The following MYO7B variants were observed in gnomAD, a reference collection of about 807,000 sequenced individuals.
MYO7B encodes unconventional myosin-VIIb.
In MYO7B, 212 loss-of-function variants were observed where a neutral mutation model predicts 259.7. The ratio of observed to expected loss-of-function variants is 0.82; its 90% CI spans 0.73 to 0.91. The LOEUF (loss-of-function observed/expected upper bound fraction) is 0.91, where lower values mean the gene tolerates loss of function less well. Ranked by LOEUF, MYO7B falls within the 40% of genes least tolerant of loss-of-function variation. The pLI, the probability that MYO7B is intolerant of heterozygous loss-of-function variation, is 0.00. For synonymous variants in MYO7B, 1,197 were observed against 1,166.4 expected, an observed-to-expected ratio of 1.03 and a Z score of -0.54; for missense variants, 2,732 against 2,813.5, an observed-to-expected ratio of 0.97 and a Z score of 0.66.
intron 24 of MYO7B, among the ~76,000 whole-genome samples, 193 bp downstream of exon 24, chr2:127,610,209 A>G (rs1049942665): frequency 7.9e-5 from 12 of 152,170 alleles, no homozygotes; most frequent in Admixed American, 1.3e-4. Flanking sequence ...GAGCTCATGA[A>G]TCCCCATCCC....
chr2:127,576,175 G>A lies in MYO7B; in HGVS notation c.736-420G>A, dbSNP rs1678857536. ...GATTGCACCACTGCACTCTAGCTTGGGTGACAGAGCAAGACCTTCTCTCGG... is the reference window on the plus strand; with the variant it reads ...GATTGCACCACTGCACTCTAGCTTGAGTGACAGAGCAAGACCTTCTCTCGG... On this transcript the variant is annotated intron_variant, in intron 7 of 47. Transcript: ENST00000409816. This position sits in a 1 kb window ranked among gnomAD's most constrained non-coding sequence, Gnocchi z 4.9. Among the ~76,000 whole-genome samples the A allele has an allele frequency of 6.6e-6, 1 of 151,850 alleles. No homozygotes were observed. The highest frequency in any genetic ancestry group is 6.6e-5 in the Admixed American group (1 of 15,258).
chr2:127,631,349 G>A lies in MYO7B; in HGVS notation c.5081G>A (p.Cys1694Tyr), dbSNP rs766228938. The A allele has an allele frequency of 6.2e-7, 1 of 1,608,488 alleles. No homozygotes were observed. Among genetic ancestry groups the A allele is most frequent in the Admixed American group, 1.7e-5 (1 of 59,842 alleles). The change falls in exon 37 of 48, where the codon TGC (cysteine) becomes TAC (tyrosine). Residue 1694 changes from cysteine (C) to tyrosine (Y), a missense_variant. Cys to Tyr is a radical substitution (Grantham distance 194). Coordinates refer to ENST00000409816, the MANE Select transcript of MYO7B (RefSeq NM_001393586.1). ...AACGTCGACCTCTGGGACATCGCCT[G>A]CCAGATCTTTGTCGATATCCTTCCC... ...HANVDLWDIA[C>Y]QIFVAILRYM... is the part of the protein sequence containing the mutation.
intron 1 of MYO7B, among the ~76,000 whole-genome samples, chr2:127,551,965 G>T (rs1267950162): frequency 1.3e-5 from 2 of 152,166 alleles, no homozygotes; most frequent in African/African-American, 4.8e-5. Flanking sequence ...GTCTGTAAGG[G>T]GGTGGAATAC....
At chr2:127,633,135 C>A in intron 39 of MYO7B, 123 bp from the exon 40 acceptor site, 1 of 745,954 alleles carries the variant, frequency 1.3e-6, no homozygotes, top group Non-Finnish European at 2.2e-6. Flanking sequence ...TGGAACCACC[C>A]CAGTGATGGT....
At chr2:127,562,949 C>T (rs1344299532) in intron 2 of MYO7B, among the ~76,000 whole-genome samples, 1 of 152,202 alleles carries the variant, frequency 6.6e-6, no homozygotes, top group Non-Finnish European at 1.5e-5. Context: ...TCATTTTGCT[C>T]ACTTTTCTCC....
intron 36 of MYO7B, 67 bp from the exon 37 acceptor site, chr2:127,631,139 G>A (rs1681478538): frequency 1.3e-6 from 2 of 1,491,502 alleles, no homozygotes; most frequent in Non-Finnish European, 1.8e-6. Flanking sequence ...AGGGGTGTCA[G>A]AGGACAGAGA....
At chr2:127,574,372 C>CA (rs1228871247) in intron 7 of MYO7B, among the ~76,000 whole-genome samples, 2 of 151,660 alleles carry the variant, frequency 1.3e-5, no homozygotes, top group Non-Finnish European at 2.9e-5. Flanking sequence ...CCTGCCTCTA[C>CA]AAAAAATATG....
Position 127,625,495 on chromosome 2 carries a change from C to A in MYO7B, c.4175C>A (p.Pro1392Gln), listed in dbSNP as rs370207138. The A allele has an allele frequency of 1.0e-4, 164 of 1,609,744 alleles. 1 individual carries two copies. Among genetic ancestry groups the A allele is most frequent in the Middle Eastern group, 6.6e-4 (4 of 6,068 alleles). Residue 1392 changes from proline to glutamine, a missense_variant, in exon 31 of 48, where the codon CCA (proline) becomes CAA (glutamine). Transcript: ENST00000409816. ...CACAAGCTGTACAGGACCAAGCCCC[C>A]AGACAGGTGGGCGAGCCTCGTCACT... ...IPHKLYRTKP[P>Q]DRWASLVTAA...
At chr2:127,541,285 T>C (rs1239202757) in intron 1 of MYO7B, among the ~76,000 whole-genome samples, 1 of 151,702 alleles carries the variant, frequency 6.6e-6, no homozygotes, top group East Asian at 1.9e-4. Context: ...TGTCATCTTC[T>C]TGATGCTGTC....
chr2:127,635,948 C>A, intron 44 of MYO7B, 41 bp downstream of exon 44: 2 of 1,538,756 alleles, frequency 1.3e-6, no homozygotes, highest in South Asian at 2.4e-5. Flanking sequence ...TGCTGCTGCT[C>A]CTCCCTGGGC....
intron 26 of MYO7B, 114 bp from the exon 27 acceptor site, chr2:127,620,226 G>A: frequency 1.6e-6 from 2 of 1,288,522 alleles, no homozygotes; most frequent in Non-Finnish European, 2.1e-6. Flanking sequence ...CGCTGGAGAG[G>A]TGCCCTGCAT....
chr2:127,558,811 T>A (rs1677942487), intron 1 of MYO7B, among the ~76,000 whole-genome samples: 1 of 152,224 alleles, frequency 6.6e-6, no homozygotes. Flanking sequence ...AAACATCGTA[T>A]GTTCTCACTC....
At chr2:127,567,675 A>T (rs919625822) in intron 5 of MYO7B, among the ~76,000 whole-genome samples, 5 of 152,162 alleles carry the variant, frequency 3.3e-5, no homozygotes, top group African/African-American at 4.8e-5. Context: ...TCATTCATTC[A>T]TTCATTCATT....
intron 10 of MYO7B, among the ~76,000 whole-genome samples, chr2:127,581,561 C>T (rs138151254): frequency 3.4e-4 from 52 of 152,326 alleles, no homozygotes; most frequent in African/African-American, 1.2e-3. Flanking sequence ...CTCCTTTAGA[C>T]TCTCAGCCTT....
At chr2:127,537,853 T>C (rs1692850315) in intron 1 of MYO7B, among the ~76,000 whole-genome samples, 1 of 152,104 alleles carries the variant, frequency 6.6e-6, no homozygotes, top group Non-Finnish European at 1.5e-5. Flanking sequence ...GAATGGACAC[T>C]TGGCACATGC....
chr2:127,593,127 C>T (rs1252028315), intron 17 of MYO7B, among the ~76,000 whole-genome samples, 181 bp downstream of exon 17: 2 of 152,200 alleles, frequency 1.3e-5, no homozygotes, highest in Admixed American at 1.3e-4. Context: ...CTCCCAGCGC[C>T]GCGGAAGTGA....
intron 30 of MYO7B, among the ~76,000 whole-genome samples, chr2:127,624,932 G>GC (rs1335455770): frequency 6.6e-6 from 1 of 152,194 alleles, no homozygotes; most frequent in Non-Finnish European, 1.5e-5. Context: ...AGAGGCATGG[G>GC]CAGGGGGTGG....
chr2:127,632,439 G>A (rs751015123), intron 39 of MYO7B, 38 bp downstream of exon 39: 11 of 1,500,260 alleles, frequency 7.3e-6, no homozygotes, highest in Admixed American at 4.6e-5. Flanking sequence ...ATTGGCCCTG[G>A]GCCCGCAGAC....
rs554305647 is a variant in MYO7B, at chr2:127,637,469, C to T, written c.*52C>T. ...GCGCCCTTCCCGACCTCTAGCCTGG[C>T]GGCACCTTCCCAGGCCCTCTCAACC... On this transcript the variant is annotated 3_prime_UTR_variant, in exon 48 of 48. Transcript: ENST00000409816. 64 of 1,338,384 alleles carry T rather than the reference C, an allele frequency of 4.8e-5. No individual in the cohort carries two copies. In the East Asian group the frequency reaches 1.2e-3, roughly 24 times the overall value. The allele number at this position is 1,338,384 out of a possible 1,614,324, so 82.9% of individuals were successfully genotyped here.
Sources: gnomAD v4.1 joint callset for allele counts (sites outside exome capture counted in the v4.1 genomes callset) on GRCh38, gnomAD v4.1.1 for gene constraint, Gnocchi (gnomAD v3.1) non-coding constraint, MANE v1.5 for transcripts, NCBI Gene and HGNC (gene_info 2026-07-23, HGNC 2026-07-21) for gene names.